The following HGFAC variants were observed in gnomAD, a reference collection of about 807,000 sequenced individuals.
The protein encoded by HGFAC is hepatocyte growth factor activator serine protease.
HGFAC carries 76 observed loss-of-function variants against 70.6 expected under a neutral mutation model. That is an observed-to-expected ratio of 1.08 (90% CI 0.89 to 1.30). The LOEUF (loss-of-function observed/expected upper bound fraction) is 1.30. Among genes scored for constraint, HGFAC ranks in the 50% most tolerant of loss-of-function variants. HGFAC has a pLI of 0.00. For synonymous variants in HGFAC, 464 were observed against 405.3 expected (o/e 1.14, Z -1.74); for missense variants, 1,044 against 933.7 (o/e 1.12, Z -1.54).
At chr4:3,446,734 C>T (rs1374922087) in intron 10 of HGFAC, among the ~76,000 whole-genome samples, 1 of 152,188 alleles carries the variant, frequency 6.6e-6, no homozygotes. Context: ...TGGGGGCGCA[C>T]AGCCACCCAG....
chr4:3,443,732 C>T (rs950593505), intron 4 of HGFAC, among the ~76,000 whole-genome samples: 11 of 152,214 alleles, frequency 7.2e-5, no homozygotes, highest in South Asian at 2.1e-4. Flanking sequence ...CGGTGCCAGC[C>T]GCCCTGCTCA....
rs188255678 is a variant in HGFAC, at chr4:3,444,256, C to A, written c.599-55C>A. On this transcript the variant is annotated intron_variant, in intron 5 of 13. Transcript: ENST00000382774. ...GTGGCTCCCGAGTGCAGGGCAGGGG[C>A]CCTGCACGGGGACAGCAGGTGGCAG... 2,995 of 1,563,714 alleles carry A rather than the reference C, an allele frequency of 1.9e-3. 23 individuals carry two copies. Among genetic ancestry groups the A allele is most frequent in the South Asian group, 3.0e-3 (256 of 85,892 alleles).
chr4:3,446,277 C>G lies in HGFAC; in HGVS notation c.1338C>G (p.Ala446=). ...LVHTCWVVSA[A]HCFSHSPPRD... ...ACACCTGCTGGGTGGTGTCGGCCGCCCACTGCTTCTCCCACAGGTGCACCT... is the reference window on the plus strand; with the variant it reads ...ACACCTGCTGGGTGGTGTCGGCCGCGCACTGCTTCTCCCACAGGTGCACCT... The change falls in exon 10 of 14, where the codon GCC becomes GCG. Residue 446 remains alanine, a synonymous_variant. Transcript: ENST00000382774. The G allele has an allele frequency of 6.2e-7, 1 of 1,607,574 alleles. No homozygotes were observed.
exon 14 of HGFAC, chr4:3,449,485 AACC>A: frequency 6.9e-7 from 1 of 1,440,220 alleles, no homozygotes; most frequent in Non-Finnish European, 9.3e-7. Flanking sequence ...TATTTCCAAG[AACC>A]CGGCCCACGC....
In HGFAC at chr4:3,446,294, G is replaced by T. The variant is rs1197541265; in HGVS notation, c.1355G>T (p.Ser452Ile). The change falls in exon 10 of 14, where the codon AGC becomes ATC. Residue 452 changes from serine to isoleucine, a missense_variant and splice_region_variant. Physicochemically the swap from Ser to Ile is moderately radical, Grantham distance 142. Transcript: ENST00000382774. ...TCGGCCGCCCACTGCTTCTCCCACA[G>T]GTGCACCTCCTCTGGGCCCCAGTCA... ...VVSAAHCFSH[S>I]PPRDSVSVVL... The T allele has an allele frequency of 1.9e-6, 3 of 1,604,396 alleles. No homozygotes were observed. The highest frequency in any genetic ancestry group is 2.5e-6 in the Non-Finnish European group (3 of 1,176,536).
At chr4:3,445,847 G>A (rs1427146439) in intron 9 of HGFAC, 195 bp from the exon 10 acceptor site, 27 of 1,531,328 alleles carry the variant, frequency 1.8e-5, no homozygotes, top group East Asian at 1.5e-4. Flanking sequence ...ACAGAGCCTC[G>A]GGATCGGGCA....
At chr4:3,448,440 G>A (rs1725609925) in intron 13 of HGFAC, among the ~76,000 whole-genome samples, 164 bp downstream of exon 13, 1 of 152,096 alleles carries the variant, frequency 6.6e-6, no homozygotes, top group South Asian at 2.1e-4. Flanking sequence ...TCGGTGGCCA[G>A]CACCCCAGGG....
intron 3 of HGFAC, 29 bp from the exon 4 acceptor site, chr4:3,443,311 AC>A: frequency 6.6e-7 from 1 of 1,521,810 alleles, no homozygotes; most frequent in South Asian, 1.2e-5. Flanking sequence ...TCTGCCTGGG[AC>A]CCCCATGCAC....
chr4:3,445,856 C>T lies in HGFAC; in HGVS notation c.1103-186C>T, dbSNP rs1163501647. ...GCCCTCACAGAGCCTCGGGATCGGG[C>T]ATCAAACCCCATTCTACAGATTTGG... On this transcript the variant is annotated intron_variant, in intron 9 of 13. Coordinates refer to ENST00000382774, the MANE Select transcript of HGFAC (RefSeq NM_001528.4). The T allele has an allele frequency of 3.3e-6, 5 of 1,536,858 alleles. No individual in the cohort carries two copies. The South Asian group carries it at 6.0e-5, about 18-fold the overall frequency.
At chr4:3,441,766 G>T, upstream of HGFAC, 2 of 453,718 alleles carry the variant, frequency 4.4e-6, no homozygotes, top group Non-Finnish European at 7.7e-6. This position sits in a 1 kb window ranked among gnomAD's most constrained non-coding sequence, Gnocchi z 6.0. Flanking sequence ...ACCATGTCAG[G>T]TCTAGGACTA....
At chr4:3,449,200 C>T (rs1473878475) in intron 13 of HGFAC, 37 bp from the exon 14 acceptor site, 2 of 1,589,458 alleles carry the variant, frequency 1.3e-6, no homozygotes, top group Non-Finnish European at 1.7e-6. Flanking sequence ...TGAACCAGGC[C>T]CCTGGGAGGG....
chr4:3,442,079 G>A lies in HGFAC; in HGVS notation c.78G>A (p.Leu26=). ...CCTTCCTCCTCCTCCTCCTGCTGCT[G>A]CTGCTGCTGCCACGGGGGTTCCAGC... ...LGPFLLLLLL[L]LLLPRGFQPQ... Residue 26 remains leucine (L), a synonymous_variant, in exon 1 of 14, where the codon CTG becomes CTA. Transcript: ENST00000382774. The A allele has an allele frequency of 6.4e-7, 1 of 1,558,544 alleles. No individual in the cohort carries two copies. Among genetic ancestry groups the A allele is most frequent in the Admixed American group, 1.9e-5 (1 of 51,388 alleles).
At position 3,446,187 on chromosome 4, in the gene HGFAC, C is replaced by G. The variant is rs377413410; in HGVS notation, c.1248C>G (p.Pro416=). 1.2e-6 allele frequency: 2 copies of G among 1,611,092 alleles called. No homozygotes were observed. Among genetic ancestry groups the G allele is most frequent in the South Asian group, 2.2e-5 (2 of 90,782 alleles). ...TCATCGGCGGCTCCTCCTCGCTGCC[C>G]GGCTCGCACCCCTGGCTGGCCGCCA... The part of the protein sequence containing the change: ...PRIIGGSSSL[P]GSHPWLAAIY... Residue 416 remains proline, a synonymous_variant, in exon 10 of 14, where the codon CCC becomes CCG. Transcript: ENST00000382774.
intron 13 of HGFAC, among the ~76,000 whole-genome samples, chr4:3,448,537 C>T (rs763096234): frequency 7.9e-5 from 12 of 152,204 alleles, no homozygotes; most frequent in African/African-American, 2.4e-4. Context: ...CCACAGAGCC[C>T]GGACAGTTCC....
rs79184809 is a variant in HGFAC at position 3,444,756 on chromosome 4, G to A, written c.841+23G>A. On this transcript the variant is annotated intron_variant, in intron 7 of 13. Coordinates refer to ENST00000382774, the MANE Select transcript of HGFAC (RefSeq NM_001528.4). ...TCGGTGAGTGGGTCAGCCCCCCGGG[G>A]TGCCCTGGGGCAGTGCCGGGTGGAC... 670 of 1,577,942 alleles carry A rather than the reference G, an allele frequency of 4.2e-4. 9 individuals are homozygous for A. The African/African-American group carries it at 6.1e-3, about 14-fold the overall frequency.
chr4:3,443,141 G>T lies in HGFAC; in HGVS notation c.390G>T (p.Arg130Ser), dbSNP rs757333146. ...GCACTTCGGAGGGCAGTGCACACAG[G>T]AAGTGGTGGGTCCGGGCAGCCGGGG... is the stretch of plus-strand genomic sequence containing the variant. The part of the protein sequence containing the change: ...HACTSEGSAH[R>S]KWCATTHNYD... The change falls in exon 3 of 14, where the codon AGG becomes AGT. Residue 130 changes from arginine (R) to serine (S), a missense_variant. Arg to Ser is a moderately radical substitution (Grantham distance 110). Coordinates refer to ENST00000382774, the MANE Select transcript of HGFAC (RefSeq NM_001528.4). 6.5e-7 allele frequency: 1 copy of T among 1,544,852 alleles called. No individual in the cohort carries two copies. Among genetic ancestry groups the T allele is most frequent in the South Asian group, 1.2e-5 (1 of 81,978 alleles).
In HGFAC at chr4:3,444,443, G is replaced by T; in HGVS notation, c.730+1G>T. 6.3e-7 allele frequency: 1 copy of T among 1,591,352 alleles called. No individual in the cohort carries two copies. The highest frequency in any genetic ancestry group is 1.2e-5 in the South Asian group (1 of 86,664). On this transcript the variant is annotated splice_donor_variant, in intron 6 of 13. Transcript: ENST00000382774. LOFTEE classifies it high-confidence loss of function. ...TGGTGCGAAGGCACCCGACATACAG[G>T]TGCGCCACGGGGTGTGAGCCGTGCC...
intron 4 of HGFAC, 142 bp from the exon 5 acceptor site, chr4:3,443,897 A>C: frequency 1.1e-6 from 1 of 891,384 alleles, no homozygotes; most frequent in Non-Finnish European, 1.7e-6. Context: ...GGGACCTTGC[A>C]CCCCGAGGGG....
At position 3,444,905 on chromosome 4, in the gene HGFAC, TG is replaced by T; in HGVS notation, c.930del (p.Trp310Ter). ...AGCCTCGGGCCTCAGCTGCCTGGCC[TG>T]GAACTCCGATCTGCTCTACCAGGAG... ...TSASGLSCLA[W>X]NSDLLYQELH... On this transcript the variant is annotated frameshift_variant, in exon 8 of 14. Transcript: ENST00000382774. LOFTEE classifies it high-confidence loss of function. 6.2e-7 allele frequency: 1 copy of T among 1,609,292 alleles called. No individual in the cohort carries two copies. The highest frequency in any genetic ancestry group is 2.2e-5 in the East Asian group (1 of 44,788).
Sources: gnomAD v4.1 joint callset for allele counts (sites outside exome capture counted in the v4.1 genomes callset) on GRCh38, gnomAD v4.1.1 for gene constraint, Gnocchi (gnomAD v3.1) non-coding constraint, MANE v1.5 for transcripts, NCBI Gene and HGNC (gene_info 2026-07-23, HGNC 2026-07-21) for gene names.